Variants in FAM170A observed in about 807,000 individuals in gnomAD.
FAM170A encodes the protein protein FAM170A.
Under a neutral mutation model 36.6 loss-of-function variants are expected in FAM170A, and 28 were observed. That is an observed-to-expected ratio of 0.76 (90% CI 0.57 to 1.05). The LOEUF is 1.05. Ranked by LOEUF, FAM170A falls within the 50% of genes least tolerant of loss-of-function variation. The pLI, the probability that FAM170A is intolerant of heterozygous loss-of-function variation, is 0.00. For missense variants in FAM170A, 434 were observed against 396.5 expected, an observed-to-expected ratio of 1.09 and a Z score of -0.80; for synonymous variants, 156 against 143.9, an observed-to-expected ratio of 1.08 and a Z score of -0.60.
chr5:119,633,549 C>T (rs778375208), intron 2 of FAM170A, among the ~76,000 whole-genome samples: 6 of 152,090 alleles, frequency 3.9e-5, no homozygotes, highest in South Asian at 2.1e-4. Context: ...GGCCCACACA[C>T]CTCACACATA....
Position 119,632,898 on chromosome 5 carries a change from C to A in FAM170A, c.211+10C>A, listed in dbSNP as rs1228488296. 6.3e-7 allele frequency: 1 copy of A among 1,575,018 alleles called. No individual in the cohort carries two copies. Among genetic ancestry groups the A allele is most frequent in the South Asian group, 1.2e-5 (1 of 86,574 alleles). On this transcript the variant is annotated intron_variant, in intron 2 of 4. Coordinates refer to ENST00000613773, the Ensembl canonical transcript of FAM170A. ...AAGCTCATCCACAGTGGTAAGGGTG[C>A]AGGGTTCCTTCGGCACGTGGCTCCT...
chr5:119,630,023 C>G (rs1266074191), intron 1 of FAM170A, among the ~76,000 whole-genome samples, 185 bp downstream of exon 1: 2 of 151,882 alleles, frequency 1.3e-5, no homozygotes, highest in Admixed American at 1.3e-4. Flanking sequence ...TCCCGAGTAG[C>G]TGGGACTACA....
At chr5:119,634,012 G>C (rs1756315313) in exon 3 of FAM170A, 4 of 1,614,102 alleles carry the variant, frequency 2.5e-6, no homozygotes, top group Non-Finnish European at 3.4e-6. Flanking sequence ...CCCTGGCCCA[G>C]GTTCAGGAAC....
At chr5:119,630,803 G>A (rs1561523266) in intron 1 of FAM170A, among the ~76,000 whole-genome samples, 1 of 152,220 alleles carries the variant, frequency 6.6e-6, no homozygotes, top group Non-Finnish European at 1.5e-5. Flanking sequence ...GGTGGAAGGT[G>A]TGAAGGGTGC....
intron 2 of FAM170A, 139 bp from the exon 3 acceptor site, chr5:119,633,821 G>A: frequency 8.8e-7 from 1 of 1,132,508 alleles, no homozygotes. Flanking sequence ...CCCACAATAT[G>A]AACAACAAAT....
intron 1 of FAM170A, among the ~76,000 whole-genome samples, chr5:119,631,139 C>G (rs1756241343): frequency 6.6e-6 from 1 of 152,190 alleles, no homozygotes. Flanking sequence ...AAACAAGCCA[C>G]TTATCCTGAA....
At chr5:119,630,719 A>G (rs2126970988) in intron 1 of FAM170A, among the ~76,000 whole-genome samples, 1 of 152,268 alleles carries the variant, frequency 6.6e-6, no homozygotes, top group Non-Finnish European at 1.5e-5. Context: ...CCACTTACAA[A>G]GACCCAGTGA....
chr5:119,632,921 C>A, intron 2 of FAM170A, 33 bp downstream of exon 2: 1 of 1,546,396 alleles, frequency 6.5e-7, no homozygotes, highest in Non-Finnish European at 8.8e-7. Context: ...GCACGTGGCT[C>A]CTTGGCTGTG....
rs368227797 is a variant in FAM170A, at chr5:119,634,683, G to T, written c.935G>T (p.Arg312Ile). The T allele has an allele frequency of 1.3e-5, 21 of 1,566,784 alleles. No individual in the cohort carries two copies. The highest frequency in any genetic ancestry group is 1.8e-5 in the Non-Finnish European group (21 of 1,158,488). Residue 312 changes from arginine to isoleucine, a missense_variant, in exon 3 of 5, where the codon AGA becomes ATA. Transcript: ENST00000613773. ...ACAGAAGAAGACCTTGGCCTGAGGA[G>T]ATCCTGGAGCCAATGTCCAGGCTGT...
At position 119,633,454 on chromosome 5, in the gene FAM170A, A is replaced by G. The variant is rs190938869; in HGVS notation, c.212-506A>G. Reference sequence around the variant, plus strand: ...GACCAGATTAAGCACTTTCATCGGAACTATTTGGGCTCTGCCTTTGCCTTC... The same window carrying G: ...GACCAGATTAAGCACTTTCATCGGAGCTATTTGGGCTCTGCCTTTGCCTTC... On this transcript the variant is annotated intron_variant, in intron 2 of 4. Transcript: ENST00000613773. Among the ~76,000 whole-genome samples, 119 of 152,134 alleles carry G rather than the reference A, an allele frequency of 7.8e-4. 1 individual carries two copies. The highest frequency in any genetic ancestry group is 2.7e-3 in the African/African-American group (114 of 41,482).
At chr5:119,632,596 A>G (rs1260677746) in intron 1 of FAM170A, 152 bp from the exon 2 acceptor site, 3 of 616,370 alleles carry the variant, frequency 4.9e-6, no homozygotes, top group Non-Finnish European at 8.1e-6. Context: ...GTAATTAAAT[A>G]CTGGAGTATC....
intron 1 of FAM170A, among the ~76,000 whole-genome samples, chr5:119,631,700 T>C (rs749038931): frequency 6.6e-6 from 1 of 152,228 alleles, no homozygotes. Flanking sequence ...TGACAGTCTT[T>C]TCTTCCTACA....
rs543501219 is a variant in FAM170A, at chr5:119,633,327, A to G, written c.211+439A>G. The stretch of plus-strand genomic sequence containing the variant: ...AAGATGACAGAGCTGTTAGAAGAGC[A>G]TGGATATAAGCTCAGTGTAGGAGAG... On this transcript the variant is annotated intron_variant, in intron 2 of 4. Coordinates refer to ENST00000613773, the Ensembl canonical transcript of FAM170A. Among the ~76,000 whole-genome samples the G allele has an allele frequency of 3.2e-4, 48 of 152,242 alleles. No homozygotes were observed. The South Asian group carries it at 3.9e-3, about 13-fold the overall frequency.
chr5:119,632,843 G>C (rs372002549), exon 2 of FAM170A: 5 of 1,612,878 alleles, frequency 3.1e-6, no homozygotes, highest in Non-Finnish European at 4.2e-6. Flanking sequence ...TTCTACCTCC[G>C]AATACTGCTC....
chr5:119,630,782 G>T (rs1756233017), intron 1 of FAM170A, among the ~76,000 whole-genome samples: 1 of 152,148 alleles, frequency 6.6e-6, no homozygotes, highest in Non-Finnish European at 1.5e-5. Context: ...CTCTTTCTCT[G>T]GGGTGACTGA....
intron 1 of FAM170A, among the ~76,000 whole-genome samples, chr5:119,630,628 A>G (rs905851847): frequency 6.6e-6 from 1 of 152,176 alleles, no homozygotes; most frequent in Non-Finnish European, 1.5e-5. Flanking sequence ...GCACACAGAA[A>G]GCCAACCCTG....
chr5:119,632,846 T>C lies in FAM170A; in HGVS notation c.169T>C (p.Tyr57His). The C allele has an allele frequency of 1.2e-6, 2 of 1,613,036 alleles. No homozygotes were observed. Among genetic ancestry groups the C allele is most frequent in the Non-Finnish European group, 8.5e-7 (1 of 1,179,150 alleles). ...GGGAGAAGTTACTTCTACCTCCGAA[T>C]ACTGCTCCTGCGTTTCTTCTTCACG... The change falls in exon 2 of 5, where the codon TAC becomes CAC. Residue 57 changes from tyrosine (Y) to histidine (H), a missense_variant. Tyr to His is a moderately conservative substitution (Grantham distance 83). Coordinates refer to ENST00000613773, the Ensembl canonical transcript of FAM170A.
intron 2 of FAM170A, among the ~76,000 whole-genome samples, chr5:119,633,635 A>G (rs2126973566): frequency 6.6e-6 from 1 of 152,032 alleles, no homozygotes; most frequent in South Asian, 2.1e-4. Context: ...ATTCTCCCAC[A>G]CTACCTCCCA....
exon 3 of FAM170A, chr5:119,634,348 A>T: frequency 4.3e-6 from 7 of 1,614,234 alleles, no homozygotes; most frequent in Non-Finnish European, 5.9e-6. Context: ...GGACAGAATC[A>T]GACAGCCTGC....
Sources: allele counts gnomAD v4.1 joint callset (sites outside exome capture counted in the v4.1 genomes callset), GRCh38; gene constraint gnomAD v4.1.1; transcripts MANE v1.5; gene names NCBI Gene and HGNC (gene_info 2026-07-23, HGNC 2026-07-21).